Variants in HSD17B11 observed in about 807,000 individuals in gnomAD.
The protein encoded by HSD17B11 is estradiol 17-beta-dehydrogenase 11.
HSD17B11 carries 22 observed loss-of-function variants against 27.8 expected under a neutral mutation model. The observed-to-expected ratio is 0.79, with a 90% CI of 0.56 to 1.13. The LOEUF (loss-of-function observed/expected upper bound fraction) is 1.13, where lower values mean the gene tolerates loss of function less well. Among genes scored for constraint, HSD17B11 ranks in the 50% most tolerant of loss-of-function variants. HSD17B11 has a pLI of 0.00. For synonymous variants in HSD17B11, 117 were observed against 132.8 expected (o/e 0.88, Z 0.82); for missense variants, 314 against 351.1 (o/e 0.89, Z 0.84).
chr4:87,363,451 C>G (rs1236280879), intron 4 of HSD17B11, among the ~76,000 whole-genome samples: 2 of 152,164 alleles, frequency 1.3e-5, no homozygotes, highest in Non-Finnish European at 2.9e-5. Flanking sequence ...GGGCTTAGAA[C>G]ACCTGTAAGC....
intron 4 of HSD17B11, among the ~76,000 whole-genome samples, chr4:87,359,646 G>T (rs932380091): frequency 6.6e-6 from 1 of 152,158 alleles, no homozygotes; most frequent in African/African-American, 2.4e-5. Context: ...TTATAAGTGT[G>T]AGCCACAGTA....
At chr4:87,347,115 T>TTTTTTTG (rs55882062) in intron 5 of HSD17B11, among the ~76,000 whole-genome samples, 1 of 56,140 alleles carries the variant, frequency 1.8e-5, no homozygotes, top group African/African-American at 1.4e-4. Context: ...TTTTTTTTTT[T>TTTTTTTG]CTTTTTTTTT....
At chr4:87,338,887 T>C (rs1490778466) in intron 6 of HSD17B11, among the ~76,000 whole-genome samples, 1 of 152,134 alleles carries the variant, frequency 6.6e-6, no homozygotes, top group African/African-American at 2.4e-5. Flanking sequence ...CCCTATAAAG[T>C]CCAATTGTTT....
chr4:87,358,168 A>G (rs1014753231), intron 4 of HSD17B11, among the ~76,000 whole-genome samples: 1 of 151,920 alleles, frequency 6.6e-6, no homozygotes, highest in East Asian at 1.9e-4. Flanking sequence ...TCACCATGTT[A>G]GCCAGGATGG....
chr4:87,363,425 C>T (rs999739478), intron 4 of HSD17B11, among the ~76,000 whole-genome samples: 1 of 152,160 alleles, frequency 6.6e-6, no homozygotes, highest in Non-Finnish European at 1.5e-5. Context: ...TAGAGGGGTA[C>T]TTCAGGATAA....
rs571062310 is a variant in HSD17B11, at chr4:87,368,763, G to C, written c.557+3946C>G. 1.1e-4 allele frequency among the ~76,000 whole-genome samples: 17 copies of C among 152,280 alleles called. No individual in the cohort carries two copies. The South Asian group carries it at 3.5e-3, about 32-fold the overall frequency. On this transcript the variant is annotated intron_variant, in intron 4 of 6. Coordinates refer to ENST00000358290, the MANE Select transcript of HSD17B11 (RefSeq NM_016245.5). ...CCCATTAAAACCAAAATGGCCACGA[G>C]AGTGACCTCTGGTCGTCCTCACTGC...
At chr4:87,344,811 C>T (rs1489510615) in intron 5 of HSD17B11, among the ~76,000 whole-genome samples, 2 of 152,084 alleles carry the variant, frequency 1.3e-5, no homozygotes, top group Non-Finnish European at 2.9e-5. Flanking sequence ...TCTCTGACTA[C>T]AATGGAGTAA....
At chr4:87,343,547 C>CTTT (rs11369073) in intron 5 of HSD17B11, among the ~76,000 whole-genome samples, 28 of 125,492 alleles carry the variant, frequency 2.2e-4, no homozygotes, top group Non-Finnish European at 3.1e-4. Context: ...CATTTCAACT[C>CTTT]TTTTTTTTTT....
chr4:87,376,059 A>AT (rs1179816493), intron 2 of HSD17B11, among the ~76,000 whole-genome samples: 1 of 152,244 alleles, frequency 6.6e-6, no homozygotes, highest in Non-Finnish European at 1.5e-5. Flanking sequence ...AAATGAAATA[A>AT]TGCATGTAAA....
At chr4:87,341,028 A>C (rs1479719427) in intron 5 of HSD17B11, among the ~76,000 whole-genome samples, 1 of 152,194 alleles carries the variant, frequency 6.6e-6, no homozygotes, top group African/African-American at 2.4e-5. Context: ...TTTATTATAT[A>C]CTCAGTCTCC....
At chr4:87,377,449 CA>C (rs35761085) in intron 2 of HSD17B11, among the ~76,000 whole-genome samples, 88 of 135,080 alleles carry the variant, frequency 6.5e-4, no homozygotes, top group Middle Eastern at 3.8e-3. Flanking sequence ...GACTCTGTCT[CA>C]AAAAAAAAAA....
chr4:87,377,174 G>C (rs80226422), intron 2 of HSD17B11, among the ~76,000 whole-genome samples: 1 of 151,808 alleles, frequency 6.6e-6, no homozygotes. Flanking sequence ...TTTGTAGGCC[G>C]GGCACAGTGG....
intron 5 of HSD17B11, among the ~76,000 whole-genome samples, chr4:87,356,503 G>A (rs1024368268): frequency 2.3e-4 from 35 of 152,196 alleles, no homozygotes; most frequent in African/African-American, 8.2e-4. Flanking sequence ...GACCCCATGT[G>A]TAACATACGC....
chr4:87,378,816 TA>T (rs1470043536), intron 2 of HSD17B11, among the ~76,000 whole-genome samples: 3 of 69,980 alleles, frequency 4.3e-5, no homozygotes, highest in East Asian at 5.3e-4. Flanking sequence ...TATATAAATA[TA>T]AAATATATAT....
chr4:87,364,674 C>T (rs1314116607), intron 4 of HSD17B11, among the ~76,000 whole-genome samples: 1 of 152,190 alleles, frequency 6.6e-6, no homozygotes, highest in Non-Finnish European at 1.5e-5. Flanking sequence ...AATGCACAGT[C>T]GGTAAAAGCA....
At chr4:87,367,379 G>A (rs1450196660) in intron 4 of HSD17B11, among the ~76,000 whole-genome samples, 1 of 152,066 alleles carries the variant, frequency 6.6e-6, no homozygotes, top group Non-Finnish European at 1.5e-5. Context: ...AAGTTAACTT[G>A]GGACCTCAAA....
chr4:87,340,556 C>T lies in HSD17B11; in HGVS notation c.746G>A (p.Gly249Glu). Residue 249 changes from glycine (G) to glutamate (E), a missense_variant, in exon 6 of 7, where the codon GGG becomes GAG. Physicochemically the swap from Gly to Glu is moderately conservative, Grantham distance 98 (BLOSUM62 -2). Coordinates refer to ENST00000358290, the MANE Select transcript of HSD17B11 (RefSeq NM_016245.5). ...PEEVVNRLMHGILTEQKMIFI... is the reference protein window; with the variant it reads ...PEEVVNRLMHEILTEQKMIFI... The stretch of plus-strand genomic sequence containing the variant: ...AATCATCTTCTGCTCAGTCAGAATC[C>T]CATGCATCAGCCTGTTTACCACTTC... 6.2e-7 allele frequency: 1 copy of T among 1,612,876 alleles called. No homozygotes were observed. The highest frequency in any genetic ancestry group is 8.5e-7 in the Non-Finnish European group (1 of 1,179,460).
rs1720438505 is a variant in HSD17B11, at chr4:87,390,843, C to G, written c.210+18G>C. On this transcript the variant is annotated intron_variant, in intron 1 of 6. Transcript: ENST00000358290. ...AAATTAAAGGTACCAGAAAGTAAAA[C>G]ATAGTAAACACTGTTACCTTATTTA... The G allele has an allele frequency of 7.5e-6, 12 of 1,604,888 alleles. No individual in the cohort carries two copies. The highest frequency in any genetic ancestry group is 9.4e-6 in the Non-Finnish European group (11 of 1,171,826).
chr4:87,339,772 C>T (rs1173795897), intron 6 of HSD17B11, among the ~76,000 whole-genome samples: 1 of 152,244 alleles, frequency 6.6e-6, no homozygotes, highest in Non-Finnish European at 1.5e-5. Context: ...GCCCAGGCCA[C>T]ACTCCAAACC....
Sources: gnomAD v4.1 joint callset for allele counts (sites outside exome capture counted in the v4.1 genomes callset) on GRCh38, gnomAD v4.1.1 for gene constraint, MANE v1.5 for transcripts, NCBI Gene and HGNC (gene_info 2026-07-23, HGNC 2026-07-21) for gene names.